Variants in PCDHGA8 observed in about 807,000 individuals in gnomAD.
PCDHGA8 encodes the protein protocadherin gamma subfamily A, 8.
PCDHGA8 carries 45 observed loss-of-function variants against 59.2 expected under a neutral mutation model. The observed-to-expected ratio is 0.76, with a 90% CI of 0.60 to 0.98. PCDHGA8 has a LOEUF of 0.98. Among genes scored for constraint, PCDHGA8 ranks in the 50% least tolerant of loss-of-function variants. The pLI is 0.00. For synonymous variants in PCDHGA8, 531 were observed against 519.0 expected, an observed-to-expected ratio of 1.02 and a Z score of -0.32; for missense variants, 1,257 against 1,196.2, an observed-to-expected ratio of 1.05 and a Z score of -0.75.
At chr5:141,423,882 C>T in intron 1 of PCDHGA8, 3 of 1,282,372 alleles carry the variant, frequency 2.3e-6, no homozygotes, top group Non-Finnish European at 3.0e-6. Context: ...TCAATCTTGG[C>T]ATATTTTCTT....
chr5:141,474,579 G>A (rs1340685342), intron 1 of PCDHGA8, among the ~76,000 whole-genome samples: 3 of 152,196 alleles, frequency 2.0e-5, no homozygotes, highest in Non-Finnish European at 4.4e-5. Flanking sequence ...TAATTGAAGT[G>A]TTAAAGACAT....
At chr5:141,442,452 CA>C (rs2098325918) in intron 1 of PCDHGA8, 1 of 152,226 alleles carries the variant, frequency 6.6e-6, no homozygotes, top group Admixed American at 6.5e-5. Flanking sequence ...GACTCAATAG[CA>C]GTTTCACTGC....
At chr5:141,417,626 T>A (rs1156653216) in intron 1 of PCDHGA8, 3 of 689,458 alleles carry the variant, frequency 4.4e-6, no homozygotes, top group Non-Finnish European at 6.8e-6. Context: ...GAGCAAGCGC[T>A]GACGCCGGGG....
At position 141,490,440 on chromosome 5, in the gene PCDHGA8, T is replaced by C. The variant is rs560525159; in HGVS notation, c.2425-4367T>C. On this transcript the variant is annotated intron_variant, in intron 1 of 3. Transcript: ENST00000398604. This position sits in a 1 kb window ranked among gnomAD's most constrained non-coding sequence, Gnocchi z 5.4. ...ACCTGCCATTTCAGATTAAGCCTTC[T>C]GAGAACCACTACTCGCTGCTAACCA... 7 of 1,614,206 alleles carry C rather than the reference T, an allele frequency of 4.3e-6. No homozygotes were observed. Among genetic ancestry groups the C allele is most frequent in the Non-Finnish European group, 5.9e-6 (7 of 1,180,040 alleles).
At chr5:141,426,655 A>C (rs2096950037) in intron 1 of PCDHGA8, 1 of 424,748 alleles carries the variant, frequency 2.4e-6, no homozygotes, top group Non-Finnish European at 4.8e-6. Flanking sequence ...ATGATAGAAG[A>C]TATAAATGAT....
intron 2 of PCDHGA8, among the ~76,000 whole-genome samples, chr5:141,498,967 G>A (rs896386012): frequency 1.5e-5 from 2 of 129,584 alleles, no homozygotes. Context: ...GAGGGAGGGA[G>A]GGAGGGAAGG....
chr5:141,417,185 A>C (rs2096092787), intron 1 of PCDHGA8: 1 of 152,216 alleles, frequency 6.6e-6, no homozygotes, highest in Admixed American at 6.5e-5. Context: ...AGGAATTATT[A>C]CTTTCTGGGT....
rs1036223789 is a variant in PCDHGA8, at chr5:141,511,298, G to C, written c.*125G>C. 49 of 1,502,412 alleles carry C rather than the reference G, an allele frequency of 3.3e-5. No homozygotes were observed. The African/African-American group carries it at 6.7e-4, about 20-fold the overall frequency. 93.1% of individuals were successfully genotyped at this position (1,502,412 alleles called of 1,614,324 possible). A position where few individuals can be genotyped will look rare whatever the true frequency, so the allele number is the denominator to read the frequency against. The stretch of plus-strand genomic sequence containing the variant: ...GAATACTGGTAGGGGCCAAGGCCAT[G>C]CTCCCCTTGGGAAACAGAAACAAGT... On this transcript the variant is annotated 3_prime_UTR_variant, in exon 4 of 4. Coordinates refer to ENST00000398604, the MANE Select transcript of PCDHGA8 (RefSeq NM_032088.2).
In PCDHGA8 at chr5:141,477,650, A is replaced by G. The variant is rs199931735; in HGVS notation, c.2425-17157A>G. ...CGGGCTAGTGGGTCGCTATTTCACA[A>G]TAAATCGTGACAATGGCATAGTGTC... On this transcript the variant is annotated intron_variant, in intron 1 of 3. Transcript: ENST00000398604. This position sits in a 1 kb window ranked among gnomAD's most constrained non-coding sequence, Gnocchi z 4.9. The G allele has an allele frequency of 6.2e-6, 10 of 1,614,212 alleles. No individual in the cohort carries two copies. The highest frequency in any genetic ancestry group is 2.2e-5 in the East Asian group (1 of 44,888).
At position 141,485,396 on chromosome 5, in the gene PCDHGA8, T is replaced by C. The variant is rs1466959644; in HGVS notation, c.2425-9411T>C. 2.5e-6 allele frequency: 4 copies of C among 1,614,042 alleles called. No homozygotes were observed. Among genetic ancestry groups the C allele is most frequent in the Non-Finnish European group, 3.4e-6 (4 of 1,179,960 alleles). On this transcript the variant is annotated intron_variant, in intron 1 of 3. Coordinates refer to ENST00000398604, the MANE Select transcript of PCDHGA8 (RefSeq NM_032088.2). The surrounding 1 kb of genome is among the most constrained non-coding windows in gnomAD (Gnocchi z 5.7). ...CGCTGGAGAGGTGAACCAAAGACAC[T>C]TCCGTGTGGATTTGGACAGCGGAGC...
Position 141,394,789 on chromosome 5 carries a change from C to A in PCDHGA8, c.1976C>A (p.Thr659Lys), listed in dbSNP as rs747304715. ...HGQPPLSATV[T>K]LTVAVADSIP... ...CAGCCCCCTCTCTCCGCCACTGTCA[C>A]GCTCACCGTAGCCGTGGCTGACAGC... The change falls in exon 1 of 4, where the codon ACG (threonine) becomes AAG (lysine). Residue 659 changes from threonine to lysine, a missense_variant. Coordinates refer to ENST00000398604, the MANE Select transcript of PCDHGA8 (RefSeq NM_032088.2). The A allele has an allele frequency of 6.2e-7, 1 of 1,613,728 alleles. No individual in the cohort carries two copies. The highest frequency in any genetic ancestry group is 1.1e-5 in the South Asian group (1 of 91,092).
In PCDHGA8 at chr5:141,486,030, C is replaced by T. The variant is rs2099623234; in HGVS notation, c.2425-8777C>T. 2 of 1,614,046 alleles carry T rather than the reference C, an allele frequency of 1.2e-6. No homozygotes were observed. Among genetic ancestry groups the T allele is most frequent in the African/African-American group, 1.3e-5 (1 of 74,918 alleles). On this transcript the variant is annotated intron_variant, in intron 1 of 3. Coordinates refer to ENST00000398604, the MANE Select transcript of PCDHGA8 (RefSeq NM_032088.2). This position sits in a 1 kb window ranked among gnomAD's most constrained non-coding sequence, Gnocchi z 5.0. ...ACCTTTTATTTCAGTGGTCATACCC[C>T]TGATCGTGTAAGAAACCTCTTTAGC...
intron 1 of PCDHGA8, chr5:141,441,731 C>G: frequency 2.8e-6 from 1 of 362,226 alleles, no homozygotes; most frequent in South Asian, 2.2e-5. Context: ...GCGACCAGGA[C>G]TAGCTCGCGC....
intron 1 of PCDHGA8, chr5:141,413,905 C>G: frequency 6.2e-7 from 1 of 1,613,338 alleles, no homozygotes; most frequent in Non-Finnish European, 8.5e-7. Context: ...TGACAACGCG[C>G]CGGTCTTCAC....
chr5:141,442,485 G>A (rs1000683527), intron 1 of PCDHGA8: 2 of 152,248 alleles, frequency 1.3e-5, no homozygotes, highest in Non-Finnish European at 2.9e-5. Flanking sequence ...TGGGGAAGGG[G>A]ATGATTGTGA....
chr5:141,492,023 C>A, intron 1 of PCDHGA8: 1 of 564,804 alleles, frequency 1.8e-6, no homozygotes, highest in Non-Finnish European at 3.0e-6. Context: ...TCGGGGGTCC[C>A]GGGAGGAGGC....
In PCDHGA8 at chr5:141,485,222, C is replaced by A; in HGVS notation, c.2425-9585C>A. The A allele has an allele frequency of 6.2e-7, 1 of 1,614,196 alleles. No homozygotes were observed. The highest frequency in any genetic ancestry group is 8.5e-7 in the Non-Finnish European group (1 of 1,180,020). On this transcript the variant is annotated intron_variant, in intron 1 of 3. Transcript: ENST00000398604. This position sits in a 1 kb window ranked among gnomAD's most constrained non-coding sequence, Gnocchi z 5.7. ...GACAGAAATCTGGCGGTGGGCTACC[C>A]TTTTGTTCCTCTTTTACCACCTGGG...
At chr5:141,412,861 A>T (rs925106716) in intron 1 of PCDHGA8, 19 of 235,604 alleles carry the variant, frequency 8.1e-5, no homozygotes, top group African/African-American at 3.4e-4. Context: ...CAAAGAATCT[A>T]TGTAAAATAT....
chr5:141,415,408 G>T, intron 1 of PCDHGA8: 1 of 1,614,224 alleles, frequency 6.2e-7, no homozygotes, highest in Non-Finnish European at 8.5e-7. Context: ...CTCGCACTTT[G>T]TGGGCGTGGA....
Sources: allele counts gnomAD v4.1 joint callset (sites outside exome capture counted in the v4.1 genomes callset), GRCh38; gene constraint gnomAD v4.1.1; non-coding constraint Gnocchi (gnomAD v3.1); transcripts MANE v1.5; gene names NCBI Gene and HGNC (gene_info 2026-07-23, HGNC 2026-07-21).